CHSY3: variants seen among roughly 807,000 people sequenced by gnomAD.
The protein encoded by CHSY3 is chondroitin sulfate synthase 3, also known as N-acetylgalactosaminyl-proteoglycan 3-beta-glucuronosyltransferase 3.
A neutral mutation model predicts 67.2 loss-of-function variants in CHSY3; 35 were observed. The observed-to-expected ratio is 0.52, with a 90% CI of 0.40 to 0.69. The LOEUF is 0.69. Among genes scored for constraint, CHSY3 ranks in the 30% least tolerant of loss-of-function variants. The probability of loss-of-function intolerance (pLI) is 0.00; values close to 1 mark genes in which losing one functional copy is unlikely to be tolerated. For missense variants in CHSY3, 1,069 were observed against 1,138.5 expected, an observed-to-expected ratio of 0.94 and a Z score of 0.88; for synonymous variants, 474 against 434.7, an observed-to-expected ratio of 1.09 and a Z score of -1.12.
At chr5:130,022,330 A>T (rs1428341308) in intron 2 of CHSY3, among the ~76,000 whole-genome samples, 8 of 152,058 alleles carry the variant, frequency 5.3e-5, no homozygotes, top group Non-Finnish European at 1.0e-4. Flanking sequence ...ACATGATGTT[A>T]GTAAGTAGTC....
chr5:129,981,481 C>A (rs1003834588), intron 2 of CHSY3, among the ~76,000 whole-genome samples: 2 of 151,770 alleles, frequency 1.3e-5, no homozygotes, highest in South Asian at 2.1e-4. Context: ...AGTTTTATTT[C>A]TTTCTTCCAA....
intron 2 of CHSY3, among the ~76,000 whole-genome samples, chr5:130,109,028 A>G (rs1429705315): frequency 6.6e-6 from 1 of 151,732 alleles, no homozygotes; most frequent in Non-Finnish European, 1.5e-5. Context: ...CAGAAAGAAG[A>G]TTGCAAATTA....
chr5:130,141,583 G>T, intron 2 of CHSY3: 1 of 479,444 alleles, frequency 2.1e-6, no homozygotes, highest in Admixed American at 2.2e-5. Context: ...GGTCCAGGAA[G>T]CTGAGAAATA....
At position 129,970,272 on chromosome 5, in the gene CHSY3, G is replaced by A. The variant is rs1313032659; in HGVS notation, c.1086+61912G>A. Among the ~76,000 whole-genome samples the A allele has an allele frequency of 3.9e-5, 6 of 151,932 alleles. No individual in the cohort carries two copies. In the East Asian group the frequency reaches 1.2e-3, roughly 29 times the overall value. ...GAAAATGTTTGTCTTGTAAACATTT[G>A]CATCACCAGAGCCTAGCAGAATGCC... On this transcript the variant is annotated intron_variant, in intron 2 of 2. Coordinates refer to ENST00000305031, the MANE Select transcript of CHSY3 (RefSeq NM_175856.5).
At chr5:130,076,117 G>T (rs1766240456) in intron 2 of CHSY3, among the ~76,000 whole-genome samples, 1 of 152,024 alleles carries the variant, frequency 6.6e-6, no homozygotes. Context: ...TTTACCCTGT[G>T]CCATTGTACT....
intron 2 of CHSY3, among the ~76,000 whole-genome samples, chr5:130,062,011 A>G (rs1316118753): frequency 4.6e-5 from 7 of 152,076 alleles, no homozygotes; most frequent in Non-Finnish European, 1.5e-5. Context: ...TCAAAGAACT[A>G]AAAATAGCAC....
At chr5:130,017,093 G>C (rs1255156709) in intron 2 of CHSY3, among the ~76,000 whole-genome samples, 1 of 152,158 alleles carries the variant, frequency 6.6e-6, no homozygotes, top group Non-Finnish European at 1.5e-5. Flanking sequence ...ACTGATACAA[G>C]ACTGATTTAT....
chr5:129,937,274 G>T (rs1017164344), intron 2 of CHSY3, among the ~76,000 whole-genome samples: 1 of 152,158 alleles, frequency 6.6e-6, no homozygotes, highest in Non-Finnish European at 1.5e-5. Flanking sequence ...TCTTCACATG[G>T]CTGGCAAGAG....
chr5:130,141,152 G>A, intron 2 of CHSY3: 2 of 405,098 alleles, frequency 4.9e-6, no homozygotes, highest in South Asian at 4.2e-5. Flanking sequence ...TGTCCAGGCA[G>A]CCATCCTATC....
At chr5:129,999,124 C>CTTTTTTTTTTTTTTTTTTTTTTTT (rs376975711) in intron 2 of CHSY3, among the ~76,000 whole-genome samples, 1 of 141,722 alleles carries the variant, frequency 7.1e-6, no homozygotes, top group Non-Finnish European at 1.5e-5. Flanking sequence ...TCCCCCCTCC[C>CTTTTTTTTTTTTTTTTTTTTTTTT]TTTTTTTTTT....
rs573999786 is a variant in CHSY3 at position 130,094,397 on chromosome 5, G to C, written c.1087-89832G>C. ...TGGCAGTTTGTAGCTTTAACCTGTTGGACTTTTTCTGTGTACTGACCTTCA... is the reference window on the plus strand; with the variant it reads ...TGGCAGTTTGTAGCTTTAACCTGTTCGACTTTTTCTGTGTACTGACCTTCA... On this transcript the variant is annotated intron_variant, in intron 2 of 2. Transcript: ENST00000305031. Among the ~76,000 whole-genome samples, 35 of 152,194 alleles carry C rather than the reference G, an allele frequency of 2.3e-4. 1 individual carries two copies. In the South Asian group the frequency reaches 7.1e-3, roughly 31 times the overall value.
intron 2 of CHSY3, among the ~76,000 whole-genome samples, chr5:129,934,977 G>A (rs1184518808): frequency 6.6e-6 from 1 of 152,086 alleles, no homozygotes; most frequent in Non-Finnish European, 1.5e-5. Context: ...GAATCAAAAC[G>A]AGAGCTAGGT....
At chr5:129,956,814 T>C (rs1406971820) in intron 2 of CHSY3, among the ~76,000 whole-genome samples, 1 of 152,054 alleles carries the variant, frequency 6.6e-6, no homozygotes, top group Non-Finnish European at 1.5e-5. Context: ...TTCTGTTTCA[T>C]TGGTCTATGT....
chr5:130,161,199 C>T (rs73247049), intron 2 of CHSY3, among the ~76,000 whole-genome samples: 9,368 of 152,100 alleles, frequency 0.062, 809 homozygotes, highest in African/African-American at 0.18. Flanking sequence ...CCACCACGAC[C>T]AGCCGATAGG....
At chr5:129,999,305 A>G (rs566478867) in intron 2 of CHSY3, among the ~76,000 whole-genome samples, 1 of 152,278 alleles carries the variant, frequency 6.6e-6, no homozygotes, top group South Asian at 2.1e-4. Flanking sequence ...TTATGATTGA[A>G]AACAATATTA....
chr5:130,156,260 A>G (rs1769372923), intron 2 of CHSY3, among the ~76,000 whole-genome samples: 1 of 152,212 alleles, frequency 6.6e-6, no homozygotes. Flanking sequence ...TCAAAATAGA[A>G]TGAGAGAGGA....
chr5:129,939,305 A>G (rs1270135675), intron 2 of CHSY3, among the ~76,000 whole-genome samples: 1 of 152,256 alleles, frequency 6.6e-6, no homozygotes, highest in South Asian at 2.1e-4. Context: ...GCAGTTCAAC[A>G]TGAGATTTGG....
rs138201069 is a variant in CHSY3 at position 129,916,044 on chromosome 5, G to T, written c.1086+7684G>T. 7.5e-3 allele frequency among the ~76,000 whole-genome samples: 1,137 copies of T among 152,232 alleles called. 13 individuals are homozygous for T. Among genetic ancestry groups the T allele is most frequent in the African/African-American group, 0.025 (1,038 of 41,538 alleles). On this transcript the variant is annotated intron_variant, in intron 2 of 2. Transcript: ENST00000305031. ...AACTGAAAAGGGCAATTCTACAAAA[G>T]AAATTCAACTTAGAGATAATACAGT...
chr5:129,953,126 C>T (rs1041417511), intron 2 of CHSY3, among the ~76,000 whole-genome samples: 3 of 152,104 alleles, frequency 2.0e-5, no homozygotes, highest in African/African-American at 7.2e-5. Flanking sequence ...GCTATCCCTC[C>T]CCTATCCCCC....
Sources: allele counts gnomAD v4.1 joint callset (sites outside exome capture counted in the v4.1 genomes callset), GRCh38; gene constraint gnomAD v4.1.1; transcripts MANE v1.5; gene names NCBI Gene and HGNC (gene_info 2026-07-23, HGNC 2026-07-21).